Variants in PKP2 observed in about 807,000 individuals in gnomAD.
PKP2 encodes the protein plakophilin-2.
Under a neutral mutation model 83.4 loss-of-function variants are expected in PKP2, and 73 were observed. The ratio of observed to expected loss-of-function variants is 0.88; its 90% CI spans 0.72 to 1.06. The LOEUF (loss-of-function observed/expected upper bound fraction) is 1.06, where lower values mean the gene tolerates loss of function less well. Among genes scored for constraint, PKP2 ranks in the 50% least tolerant of loss-of-function variants. PKP2 has a pLI of 0.00. For missense variants in PKP2, 966 were observed against 1,065.4 expected, an observed-to-expected ratio of 0.91 and a Z score of 1.30; for synonymous variants, 409 against 430.4, an observed-to-expected ratio of 0.95 and a Z score of 0.62.
intron 4 of PKP2, chr12:32,863,334 G>A (rs1192487283): frequency 1.2e-5 from 3 of 257,456 alleles, no homozygotes; most frequent in Admixed American, 4.2e-5. Context: ...TAACTTGGGC[G>A]CATGAACACA....
chr12:32,804,890 A>G (rs1368674001), intron 9 of PKP2, among the ~76,000 whole-genome samples: 1 of 152,192 alleles, frequency 6.6e-6, no homozygotes, highest in Non-Finnish European at 1.5e-5. Flanking sequence ...GTTCTCCACA[A>G]TGGTTGAACT....
intron 5 of PKP2, among the ~76,000 whole-genome samples, chr12:32,842,337 G>T (rs1956601302): frequency 6.6e-6 from 1 of 152,042 alleles, no homozygotes; most frequent in Admixed American, 6.6e-5. Context: ...CCACCTCCCA[G>T]GTTCAAGCAA....
intron 5 of PKP2, among the ~76,000 whole-genome samples, chr12:32,847,527 GACAC>G (rs138388923): frequency 6.6e-6 from 1 of 151,192 alleles, no homozygotes; most frequent in African/African-American, 2.4e-5. Flanking sequence ...TTGTTCCCTT[GACAC>G]ACACACACAC....
At chr12:32,815,858 G>A (rs1258422775) in intron 9 of PKP2, among the ~76,000 whole-genome samples, 1 of 152,166 alleles carries the variant, frequency 6.6e-6, no homozygotes, top group Non-Finnish European at 1.5e-5. Flanking sequence ...CCGATTTGCT[G>A]AGGGAAATGA....
chr12:32,862,679 A>G (rs73303662), intron 4 of PKP2, among the ~76,000 whole-genome samples: 64,250 of 151,106 alleles, frequency 0.43, 15,701 homozygotes, highest in African/African-American at 0.69. Context: ...AATTCTTCAG[A>G]TCATCTGGGC....
intron 4 of PKP2, among the ~76,000 whole-genome samples, chr12:32,856,345 A>G (rs891957041): frequency 1.3e-5 from 2 of 152,166 alleles, no homozygotes; most frequent in Non-Finnish European, 2.9e-5. Context: ...AAGAATGGAG[A>G]CAGGGATGTT....
intron 10 of PKP2, 132 bp downstream of exon 10, chr12:32,802,271 G>A (rs1956188183): frequency 4.4e-6 from 4 of 898,978 alleles, no homozygotes; most frequent in Non-Finnish European, 7.3e-6. Context: ...ACAAAAGGCA[G>A]GCCGGTTTAT....
chr12:32,896,585 C>A lies in PKP2; in HGVS notation c.147G>T (p.Gln49His). The A allele has an allele frequency of 6.3e-7, 1 of 1,588,152 alleles. No individual in the cohort carries two copies. Among genetic ancestry groups the A allele is most frequent in the Non-Finnish European group, 8.5e-7 (1 of 1,176,150 alleles). The change falls in exon 1 of 13, where the codon CAG becomes CAT. Residue 49 changes from glutamine (Q) to histidine (H), a missense_variant. Coordinates refer to ENST00000340811, the MANE Select transcript of PKP2 (RefSeq NM_001005242.3). ...CCTGGATCCGCAGGCTCTTGACTGTCTGGCCGCCGCGGCCGCTGCTCCCCG... is the reference window on the plus strand; with the variant it reads ...CCTGGATCCGCAGGCTCTTGACTGTATGGCCGCCGCGGCCGCTGCTCCCCG... ...KLAGSSGRGGQTVKSLRIQEQ... is the reference protein window; with the variant it reads ...KLAGSSGRGGHTVKSLRIQEQ...
intron 9 of PKP2, among the ~76,000 whole-genome samples, chr12:32,809,831 C>T (rs573221346): frequency 9.1e-4 from 138 of 152,298 alleles, no homozygotes; most frequent in Non-Finnish European, 1.5e-3. Flanking sequence ...GTTCCTTTGG[C>T]TCCGTGAGGC....
chr12:32,875,490 C>A (rs1447035841), intron 3 of PKP2, among the ~76,000 whole-genome samples: 2 of 152,046 alleles, frequency 1.3e-5, no homozygotes, highest in East Asian at 1.9e-4. Context: ...GGAGAAGAGG[C>A]TGAAGTGATA....
intron 4 of PKP2, among the ~76,000 whole-genome samples, chr12:32,851,720 G>T (rs574625335): frequency 9.2e-5 from 14 of 152,060 alleles, no homozygotes; most frequent in Non-Finnish European, 1.8e-4. Flanking sequence ...CACCCGCCTC[G>T]GCCTCCCAAA....
chr12:32,873,556 G>A (rs916386245), intron 3 of PKP2, among the ~76,000 whole-genome samples: 2 of 152,002 alleles, frequency 1.3e-5, no homozygotes, highest in African/African-American at 4.8e-5. Flanking sequence ...TGGAGACTGA[G>A]TCTTGCTCCT....
intron 4 of PKP2, among the ~76,000 whole-genome samples, chr12:32,858,084 A>AAAAAT (rs1233128620): frequency 3.0e-5 from 2 of 67,026 alleles, no homozygotes; most frequent in African/African-American, 8.0e-5. Flanking sequence ...AAAAAAAAAA[A>AAAAAT]ATATATATAT....
At chr12:32,793,368 T>C (rs749804602) in intron 11 of PKP2, among the ~76,000 whole-genome samples, 1 of 152,152 alleles carries the variant, frequency 6.6e-6, no homozygotes, top group Non-Finnish European at 1.5e-5. Context: ...TATATTTGTA[T>C]ACTTATAATG....
chr12:32,799,930 A>G (rs544850701), intron 10 of PKP2, among the ~76,000 whole-genome samples: 2 of 152,346 alleles, frequency 1.3e-5, no homozygotes, highest in East Asian at 1.9e-4. Context: ...AATCTATTGA[A>G]AATTCTTAAA....
chr12:32,809,776 G>A (rs1304740211), intron 9 of PKP2, among the ~76,000 whole-genome samples: 1 of 152,156 alleles, frequency 6.6e-6, no homozygotes, highest in African/African-American at 2.4e-5. Context: ...ATGGTCCTGG[G>A]CGGGTCGCAC....
intron 4 of PKP2, among the ~76,000 whole-genome samples, chr12:32,863,880 T>C (rs76448317): frequency 0.15 from 22,434 of 152,160 alleles, 1,814 homozygotes; most frequent in Middle Eastern, 0.22. Context: ...GTACAGATCA[T>C]GTCTTTTACA....
Position 32,802,413 on chromosome 12 carries a change from C to T in PKP2, c.2157G>A (p.Gln719=). The change falls in exon 10 of 13, where the codon CAG becomes CAA. Residue 719 remains glutamine, a synonymous_variant. Transcript: ENST00000340811. The part of the protein sequence containing the change: ...LRNLSRNLSL[Q]NEIAKETLPD... ...CTTATACCGACTCACCAATTTCATT[C>T]TGCAGAGAAAGATTCCGGGACAGAT... The T allele has an allele frequency of 6.8e-6, 11 of 1,614,106 alleles. No individual in the cohort carries two copies. The highest frequency in any genetic ancestry group is 9.3e-6 in the Non-Finnish European group (11 of 1,179,992).
At chr12:32,848,264 A>G (rs1256386649) in intron 5 of PKP2, among the ~76,000 whole-genome samples, 3 of 152,110 alleles carry the variant, frequency 2.0e-5, no homozygotes, top group Admixed American at 6.5e-5. Context: ...CTCTACTAAA[A>G]ATACAAAAAA....
Sources: gnomAD v4.1 joint callset for allele counts (sites outside exome capture counted in the v4.1 genomes callset) on GRCh38, gnomAD v4.1.1 for gene constraint, MANE v1.5 for transcripts, NCBI Gene and HGNC (gene_info 2026-07-23, HGNC 2026-07-21) for gene names.